The following LGSN variants were observed in gnomAD, a reference collection of about 807,000 sequenced individuals.
LGSN encodes lengsin.
LGSN carries 21 observed loss-of-function variants against 19.5 expected under a neutral mutation model. The ratio of observed to expected loss-of-function variants is 1.07; its 90% CI spans 0.76 to 1.55. The LOEUF (loss-of-function observed/expected upper bound fraction) is 1.55, where lower values mean the gene tolerates loss of function less well. Among genes scored for constraint, LGSN ranks in the 40% most tolerant of loss-of-function variants. The probability of loss-of-function intolerance (pLI) is 0.00; values close to 1 mark genes in which losing one functional copy is unlikely to be tolerated. For synonymous variants in LGSN, 257 were observed against 215.6 expected, an observed-to-expected ratio of 1.19 and a Z score of -1.68; for missense variants, 673 against 608.5, an observed-to-expected ratio of 1.11 and a Z score of -1.12.
the LGSN span, among the ~76,000 whole-genome samples, chr6:63,419,607 G>A: frequency 0.12 from 17,832 of 151,892 alleles, 2,100 homozygotes; most frequent in African/African-American, 0.31. Flanking sequence ...ATACTTTTTC[G>A]GCCTGGCAGG....
chr6:63,441,341 G>C, the LGSN span: 1 of 476,766 alleles, frequency 2.1e-6, no homozygotes, highest in South Asian at 1.9e-5. Flanking sequence ...TCCAGCACCT[G>C]GCTCTCCTCA....
At chr6:63,539,826 G>A in the LGSN span, among the ~76,000 whole-genome samples, 1 of 151,606 alleles carries the variant, frequency 6.6e-6, no homozygotes, top group Non-Finnish European at 1.5e-5. Flanking sequence ...AAACTCAAAA[G>A]TTCAGCAAAT....
chr6:63,405,375 T>C, the LGSN span, among the ~76,000 whole-genome samples: 5 of 152,158 alleles, frequency 3.3e-5, no homozygotes, highest in African/African-American at 4.8e-5. Context: ...CCTGAGGAAT[T>C]GCCACACTGA....
the LGSN span, chr6:63,441,528 A>G: frequency 4.8e-6 from 2 of 417,934 alleles, no homozygotes. Context: ...CTGTACAGAC[A>G]GACCACAAGT....
At chr6:63,350,169 T>G in the LGSN span, among the ~76,000 whole-genome samples, 1 of 152,248 alleles carries the variant, frequency 6.6e-6, no homozygotes. Flanking sequence ...TGAGGAATGG[T>G]AAAAGTGAGT....
chr6:63,441,729 A>C, the LGSN span: 1 of 410,426 alleles, frequency 2.4e-6, no homozygotes, highest in Admixed American at 2.9e-5. Flanking sequence ...GAAACAAATT[A>C]GGCCCCCAAA....
chr6:63,447,933 T>G, the LGSN span, among the ~76,000 whole-genome samples: 1 of 152,138 alleles, frequency 6.6e-6, no homozygotes, highest in Non-Finnish European at 1.5e-5. Context: ...CCAACAAAAT[T>G]TAGATGCCAT....
At chr6:63,507,942 C>CA in the LGSN span, among the ~76,000 whole-genome samples, 39 of 151,146 alleles carry the variant, frequency 2.6e-4, no homozygotes, top group African/African-American at 1.7e-4. Context: ...GCCCAAGAGA[C>CA]AAAAAAAAGC....
chr6:63,335,884 G>A, the LGSN span, among the ~76,000 whole-genome samples: 5 of 152,110 alleles, frequency 3.3e-5, no homozygotes, highest in Admixed American at 3.3e-4. Context: ...GTTTATTGCA[G>A]TACTATTCAC....
chr6:63,316,773 T>C (rs371283982), intron 1 of LGSN, among the ~76,000 whole-genome samples: 2 of 151,782 alleles, frequency 1.3e-5, no homozygotes, highest in East Asian at 1.9e-4. Flanking sequence ...GTATATATAA[T>C]ATATATTTAT....
At chr6:63,552,265 G>T in the LGSN span, among the ~76,000 whole-genome samples, 1 of 152,266 alleles carries the variant, frequency 6.6e-6, no homozygotes, top group East Asian at 1.9e-4. Context: ...GTTTTTATTT[G>T]CATTTCTCTG....
the LGSN span, chr6:63,571,417 A>G: frequency 6.6e-6 from 1 of 152,240 alleles, no homozygotes; most frequent in Admixed American, 6.5e-5. Flanking sequence ...TCCAGAGCTG[A>G]GGAGAAAGGG....
At chr6:63,301,299 T>A (rs1253885847) in intron 1 of LGSN, among the ~76,000 whole-genome samples, 1 of 151,960 alleles carries the variant, frequency 6.6e-6, no homozygotes, top group African/African-American at 2.4e-5. Flanking sequence ...TTAAAAAAAA[T>A]AAATACAATA....
At chr6:63,329,519 C>A in the LGSN span, among the ~76,000 whole-genome samples, 1 of 152,192 alleles carries the variant, frequency 6.6e-6, no homozygotes, top group Non-Finnish European at 1.5e-5. Context: ...CCTTACTAAG[C>A]CTTGAGCCTT....
At chr6:63,291,544 GC>G (rs1214627046) in intron 2 of LGSN, among the ~76,000 whole-genome samples, 1 of 152,106 alleles carries the variant, frequency 6.6e-6, no homozygotes, top group Non-Finnish European at 1.5e-5. Context: ...TTCCCTCTCT[GC>G]CATTCTGTTC....
upstream of LGSN, chr6:63,320,103 T>A: frequency 1.6e-6 from 1 of 618,964 alleles, no homozygotes; most frequent in Non-Finnish European, 2.9e-6. Flanking sequence ...AACATCAGAT[T>A]CTGATGTGTC....
chr6:63,382,834 C>A, the LGSN span, among the ~76,000 whole-genome samples: 1 of 152,244 alleles, frequency 6.6e-6, no homozygotes, highest in South Asian at 2.1e-4. Context: ...AACTGTACAA[C>A]ATATACATAT....
At chr6:63,571,671 G>T in the LGSN span, 19 of 152,216 alleles carry the variant, frequency 1.2e-4, no homozygotes, top group African/African-American at 4.6e-4. Context: ...TATCAAGTGA[G>T]CAGCAGTACA....
At chr6:63,524,272 C>T in the LGSN span, among the ~76,000 whole-genome samples, 1 of 151,982 alleles carries the variant, frequency 6.6e-6, no homozygotes, top group Non-Finnish European at 1.5e-5. Context: ...GACGTGAGCC[C>T]CCATGCCCAG....
Sources: gnomAD v4.1 joint callset for allele counts (sites outside exome capture counted in the v4.1 genomes callset) on GRCh38, gnomAD v4.1.1 for gene constraint, MANE v1.5 for transcripts, NCBI Gene and HGNC (gene_info 2026-07-23, HGNC 2026-07-21) for gene names.